Variants in WDFY3 observed in about 807,000 individuals in gnomAD.
WDFY3 encodes the protein WD repeat and FYVE domain-containing protein 3.
Under a neutral mutation model 409.6 loss-of-function variants are expected in WDFY3, and 66 were observed. That is an observed-to-expected ratio of 0.16 (90% CI 0.13 to 0.20). The LOEUF (loss-of-function observed/expected upper bound fraction) is 0.20, where lower values mean the gene tolerates loss of function less well. Among genes scored for constraint, WDFY3 ranks in the 10% least tolerant of loss-of-function variants. The probability of loss-of-function intolerance (pLI) is 1.00; values close to 1 mark genes in which losing one functional copy is unlikely to be tolerated. For missense variants in WDFY3, 3,031 were observed against 4,298.1 expected, an observed-to-expected ratio of 0.71 and a Z score of 8.24; for synonymous variants, 1,521 against 1,537.1, an observed-to-expected ratio of 0.99 and a Z score of 0.25.
chr4:84,898,761 A>G (rs1282072630), intron 2 of WDFY3, among the ~76,000 whole-genome samples: 1 of 152,232 alleles, frequency 6.6e-6, no homozygotes, highest in Non-Finnish European at 1.5e-5. Flanking sequence ...GGGAATCACA[A>G]CAAAATGGAA....
intron 14 of WDFY3, 32 bp downstream of exon 14, chr4:84,809,848 TATACACC>T (rs1752193247): frequency 6.3e-7 from 1 of 1,575,820 alleles, no homozygotes; most frequent in African/African-American, 1.4e-5. Context: ...TCATGCTTAG[TATACACC>T]CTTTAATTCA....
At position 84,942,382 on chromosome 4, in the gene WDFY3, A is replaced by C. The variant is rs991039980; in HGVS notation, c.-225-10019T>G. 2.6e-5 allele frequency among the ~76,000 whole-genome samples: 4 copies of C among 152,198 alleles called. No homozygotes were observed. The South Asian group carries it at 8.3e-4, about 31-fold the overall frequency. On this transcript the variant is annotated intron_variant, in intron 1 of 67. Coordinates refer to ENST00000295888, the MANE Select transcript of WDFY3 (RefSeq NM_014991.6). ...TTTAAAAAGAATAAAAGATGTCGAC[A>C]CTTACTTTTAAAAAAAGGATACATA...
chr4:84,883,101 T>C (rs1409205512), intron 3 of WDFY3, among the ~76,000 whole-genome samples: 2 of 151,922 alleles, frequency 1.3e-5, no homozygotes, highest in Non-Finnish European at 2.9e-5. Flanking sequence ...ACTAAAGGAG[T>C]TGAAGAGTGG....
At chr4:84,947,663 G>C (rs1191944866) in intron 1 of WDFY3, among the ~76,000 whole-genome samples, 1 of 145,654 alleles carries the variant, frequency 6.9e-6, no homozygotes, top group African/African-American at 2.6e-5. Flanking sequence ...TTGAGTCCAG[G>C]AGTTCAAGAC....
In WDFY3 at chr4:84,692,957, G is replaced by T. The variant is rs1176824577; in HGVS notation, c.8977C>A (p.Pro2993Thr). The T allele has an allele frequency of 6.2e-7, 1 of 1,613,682 alleles. No homozygotes were observed. Among genetic ancestry groups the T allele is most frequent in the Non-Finnish European group, 8.5e-7 (1 of 1,179,936 alleles). Residue 2993 changes from proline to threonine, a missense_variant, in exon 59 of 68, where the codon CCA (proline) becomes ACA (threonine). Around this residue, in one of 16 missense-constraint regions of WDFY3, gnomAD observed 152 missense variants for 193.5 expected, o/e 0.79. Transcript: ENST00000295888. ...NGDNAGISVL[P>T]GSTSDKIFFH... ...AAGATCTTGTCACTTGTAGATCCTG[G>T]TAGGACAGAGATTCCTGCATTGTCT...
intron 22 of WDFY3, among the ~76,000 whole-genome samples, chr4:84,789,471 C>G (rs1458772610): frequency 3.3e-5 from 5 of 152,144 alleles, no homozygotes; most frequent in Non-Finnish European, 7.3e-5. Flanking sequence ...CTGGCTTAAG[C>G]TCTTGCATAT....
At chr4:84,738,309 G>A (rs74602683) in intron 40 of WDFY3, among the ~76,000 whole-genome samples, 1 of 151,580 alleles carries the variant, frequency 6.6e-6, no homozygotes, top group Non-Finnish European at 1.5e-5. Flanking sequence ...AAAAAAAAAA[G>A]AGAGGGGCTG....
chr4:84,942,068 A>C (rs1772208927), intron 1 of WDFY3, among the ~76,000 whole-genome samples: 1 of 152,146 alleles, frequency 6.6e-6, no homozygotes, highest in East Asian at 1.9e-4. Flanking sequence ...TCACAGACAT[A>C]AATGTACAAT....
chr4:84,677,427 C>A (rs1400654379), intron 66 of WDFY3, 31 bp from the exon 67 acceptor site: 1 of 1,540,090 alleles, frequency 6.5e-7, no homozygotes, highest in Non-Finnish European at 8.7e-7. Context: ...GAGGTCACTG[C>A]ACGGAAGGCT....
At chr4:84,724,674 G>A (rs1735371697) in intron 45 of WDFY3, 80 bp from the exon 46 acceptor site, 7 of 1,486,364 alleles carry the variant, frequency 4.7e-6, no homozygotes, top group South Asian at 4.0e-5. Flanking sequence ...AAGGTATGGT[G>A]TCAAGGTGTG....
intron 1 of WDFY3, among the ~76,000 whole-genome samples, chr4:84,959,299 GA>G (rs1043466062): frequency 3.4e-5 from 5 of 146,786 alleles, no homozygotes; most frequent in East Asian, 4.0e-4. Flanking sequence ...ATTTTAAGCA[GA>G]AAAAAAAAGG....
chr4:84,961,659 T>C (rs1289542697), intron 1 of WDFY3, among the ~76,000 whole-genome samples: 1 of 151,730 alleles, frequency 6.6e-6, no homozygotes, highest in Non-Finnish European at 1.5e-5. Context: ...CTAAAGAAAA[T>C]TATTTTTTTA....
At chr4:84,726,236 A>G (rs950523110) in intron 45 of WDFY3, among the ~76,000 whole-genome samples, 11 of 152,200 alleles carry the variant, frequency 7.2e-5, no homozygotes, top group Non-Finnish European at 1.0e-4. Context: ...GTACAGATTT[A>G]AAATTGACCT....
chr4:84,750,456 A>T (rs1740321441), intron 36 of WDFY3, among the ~76,000 whole-genome samples: 1 of 151,932 alleles, frequency 6.6e-6, no homozygotes, highest in Admixed American at 6.6e-5. Flanking sequence ...TGTACTAGCC[A>T]CTAGAGGGAG....
chr4:84,712,393 A>G (rs934279287), intron 51 of WDFY3, among the ~76,000 whole-genome samples: 8 of 150,980 alleles, frequency 5.3e-5, no homozygotes, highest in South Asian at 2.1e-4. Context: ...AAAAAAAAAA[A>G]AAGAAGAATC....
At chr4:84,678,828 G>C in intron 65 of WDFY3, 91 bp downstream of exon 65, 2 of 1,408,356 alleles carry the variant, frequency 1.4e-6, no homozygotes, top group Non-Finnish European at 1.9e-6. Flanking sequence ...TCCAGGGTGG[G>C]GCCCAGGGAG....
chr4:84,947,514 AAATAATAAT>A (rs200130662), intron 1 of WDFY3, among the ~76,000 whole-genome samples: 10 of 140,542 alleles, frequency 7.1e-5, no homozygotes, highest in Admixed American at 3.6e-4. Flanking sequence ...TCCGTCTCAA[AAATAATAAT>A]AATAATAATA....
At chr4:84,900,237 T>C (rs1405008228) in intron 2 of WDFY3, among the ~76,000 whole-genome samples, 1 of 152,096 alleles carries the variant, frequency 6.6e-6, no homozygotes, top group Non-Finnish European at 1.5e-5. Flanking sequence ...AAAATAATTT[T>C]TTTTTTGAGT....
At chr4:84,772,690 G>A in intron 30 of WDFY3, 145 bp downstream of exon 30, 1 of 642,758 alleles carries the variant, frequency 1.6e-6, no homozygotes, top group Non-Finnish European at 2.6e-6. Flanking sequence ...ATACATCAGA[G>A]AAGGGCCAAA....
Sources: gnomAD v4.1 joint callset for allele counts (sites outside exome capture counted in the v4.1 genomes callset) on GRCh38, gnomAD v4.1.1 for gene constraint, gnomAD v4.1.1 regional missense constraint, MANE v1.5 for transcripts, NCBI Gene and HGNC (gene_info 2026-07-23, HGNC 2026-07-21) for gene names.